KCTD1: variants seen among roughly 807,000 people sequenced by gnomAD.
The protein encoded by KCTD1 is BTB/POZ domain-containing protein KCTD1.
KCTD1 carries 24 observed loss-of-function variants against 66.0 expected under a neutral mutation model. The observed-to-expected ratio is 0.36, with a 90% CI of 0.26 to 0.51. KCTD1 has a LOEUF of 0.51. Among genes scored for constraint, KCTD1 ranks in the 20% least tolerant of loss-of-function variants. The pLI is 0.95. For missense variants in KCTD1, 943 were observed against 1,205.2 expected (o/e 0.78, Z 3.22); for synonymous variants, 511 against 517.2 (o/e 0.99, Z 0.16).
intron 1 of KCTD1, among the ~76,000 whole-genome samples, chr18:26,518,136 C>T (rs1253015174): frequency 6.6e-6 from 1 of 152,176 alleles, no homozygotes; most frequent in Non-Finnish European, 1.5e-5. Context: ...TATGGAATTC[C>T]AGAAGAGAAT....
At chr18:26,601,479 T>G (rs1986899117) in intron 1 of KCTD1, among the ~76,000 whole-genome samples, 1 of 152,150 alleles carries the variant, frequency 6.6e-6, no homozygotes, top group African/African-American at 2.4e-5. Context: ...ACTGGAGCAT[T>G]TATTAAGTTC....
chr18:26,594,544 G>A (rs1986722675), intron 1 of KCTD1, among the ~76,000 whole-genome samples: 1 of 152,262 alleles, frequency 6.6e-6, no homozygotes, highest in Non-Finnish European at 1.5e-5. Context: ...CCCTAGGTGA[G>A]GGGATCCAGG....
chr18:26,598,706 T>A (rs1986824332), intron 1 of KCTD1, among the ~76,000 whole-genome samples: 1 of 152,200 alleles, frequency 6.6e-6, no homozygotes, highest in South Asian at 2.1e-4. Flanking sequence ...TGGGTGTGAG[T>A]ATCTCATTGT....
chr18:26,613,984 A>G (rs1167478505), intron 1 of KCTD1, among the ~76,000 whole-genome samples: 3 of 152,172 alleles, frequency 2.0e-5, no homozygotes, highest in African/African-American at 7.2e-5. Context: ...AGAGCGTTGC[A>G]GCCCCACCAC....
intron 2 of KCTD1, among the ~76,000 whole-genome samples, chr18:26,498,767 G>T (rs1404713188): frequency 6.6e-6 from 1 of 152,040 alleles, no homozygotes; most frequent in Non-Finnish European, 1.5e-5. Flanking sequence ...TTCAGGGTTT[G>T]GATAAGAAGG....
intron 1 of KCTD1, among the ~76,000 whole-genome samples, chr18:26,518,100 C>G (rs1983748317): frequency 6.6e-6 from 1 of 152,230 alleles, no homozygotes; most frequent in East Asian, 1.9e-4. Context: ...GAGCAAGACA[C>G]TCAGTAGGCA....
upstream of KCTD1, among the ~76,000 whole-genome samples, chr18:26,630,316 T>C (rs1166472963): frequency 6.6e-6 from 1 of 152,108 alleles, no homozygotes; most frequent in African/African-American, 2.4e-5. Flanking sequence ...CTTGAGTATA[T>C]GTCTTTTTTT....
At chr18:26,550,565 G>GACAGACACACACACAC (rs1985517746), upstream of KCTD1, among the ~76,000 whole-genome samples, 5 of 140,490 alleles carry the variant, frequency 3.6e-5, no homozygotes, top group African/African-American at 1.4e-4. The surrounding 1 kb of genome is among the most constrained non-coding windows in gnomAD (Gnocchi z 5.4). Flanking sequence ...AAGACACACA[G>GACAGACACACACACAC]ACACACACAC....
chr18:26,594,894 C>T (rs2144956634), intron 1 of KCTD1, among the ~76,000 whole-genome samples: 1 of 152,256 alleles, frequency 6.6e-6, no homozygotes, highest in East Asian at 1.9e-4. Context: ...TCCAGCCCAC[C>T]TGCCAGACCT....
At chr18:26,572,424 A>G (rs1986131741) in intron 1 of KCTD1, among the ~76,000 whole-genome samples, 1 of 152,168 alleles carries the variant, frequency 6.6e-6, no homozygotes, top group Middle Eastern at 3.4e-3. Flanking sequence ...AAATTAGGTA[A>G]TTCAAGGAAA....
chr18:26,455,134 G>A lies in KCTD1; in HGVS notation c.*609C>T, dbSNP rs1481541452. 1 of 152,554 alleles carries A rather than the reference G, an allele frequency of 6.6e-6. No individual in the cohort carries two copies. The highest frequency in any genetic ancestry group is 1.5e-5 in the Non-Finnish European group (1 of 68,068). 9.5% of individuals were successfully genotyped at this position (152,554 alleles called of 1,614,324 possible). A position where few individuals can be genotyped will look rare whatever the true frequency, so the allele number is the denominator to read the frequency against. ...ACAAAGTAAAGTTCACATCTGTGAG[G>A]TGGACAAAAAAGTGTGACTTCTGTA... On this transcript the variant is annotated 3_prime_UTR_variant, in exon 5 of 5. Coordinates refer to ENST00000580059, the MANE Select transcript of KCTD1 (RefSeq NM_001142730.3).
intron 1 of KCTD1, among the ~76,000 whole-genome samples, chr18:26,651,652 C>T (rs1478489906): frequency 2.0e-5 from 3 of 151,624 alleles, no homozygotes; most frequent in Admixed American, 6.6e-5. Flanking sequence ...ATCATGGTGG[C>T]GGGCACCTGT....
At chr18:26,647,376 G>C (rs578068356) in intron 1 of KCTD1, among the ~76,000 whole-genome samples, 1 of 150,610 alleles carries the variant, frequency 6.6e-6, no homozygotes, top group East Asian at 2.0e-4. Context: ...AGCTGGGTGC[G>C]GTGGCAGGTG....
chr18:26,487,713 G>A (rs533245010), intron 2 of KCTD1, among the ~76,000 whole-genome samples: 3 of 152,284 alleles, frequency 2.0e-5, no homozygotes, highest in South Asian at 4.1e-4. Context: ...AATTGTCTAC[G>A]CCCTTCTGGG....
At chr18:26,617,437 TAGAC>T (rs1404333036) in intron 1 of KCTD1, among the ~76,000 whole-genome samples, 2 of 152,196 alleles carry the variant, frequency 1.3e-5, no homozygotes, top group Non-Finnish European at 2.9e-5. Context: ...AGGCTCTTAA[TAGAC>T]AGGATGACTA....
intron 1 of KCTD1, among the ~76,000 whole-genome samples, chr18:26,592,779 A>T (rs1310115209): frequency 2.6e-5 from 4 of 152,214 alleles, no homozygotes; most frequent in Admixed American, 6.5e-5. Context: ...TGTCCCTGGA[A>T]GCAGCTAATC....
At chr18:26,464,432 A>T (rs1235293122) in intron 3 of KCTD1, among the ~76,000 whole-genome samples, 2 of 152,040 alleles carry the variant, frequency 1.3e-5, no homozygotes, top group Non-Finnish European at 2.9e-5. Context: ...CCATCTCAAG[A>T]CCCTTAACTT....
intron 2 of KCTD1, among the ~76,000 whole-genome samples, chr18:26,487,224 AG>A (rs1281933780): frequency 6.6e-6 from 1 of 152,226 alleles, no homozygotes; most frequent in African/African-American, 2.4e-5. Flanking sequence ...CAGAGTGACT[AG>A]GAAGCTTAAA....
intron 1 of KCTD1, chr18:26,544,054 A>G (rs1204401824): frequency 3.3e-5 from 5 of 152,228 alleles, no homozygotes; most frequent in Admixed American, 3.3e-4. Context: ...AATGGACTAC[A>G]TGACCTCCAC....
Sources: gnomAD v4.1 joint callset for allele counts (sites outside exome capture counted in the v4.1 genomes callset) on GRCh38, gnomAD v4.1.1 for gene constraint, Gnocchi (gnomAD v3.1) non-coding constraint, MANE v1.5 for transcripts, NCBI Gene and HGNC (gene_info 2026-07-23, HGNC 2026-07-21) for gene names.